PRAG1: variants seen among roughly 807,000 people sequenced by gnomAD.
PRAG1 encodes the protein inactive tyrosine-protein kinase PRAG1.
PRAG1 carries 110 observed loss-of-function variants against 95.6 expected under a neutral mutation model. That is an observed-to-expected ratio of 1.15 (90% confidence interval 0.99 to 1.35). The LOEUF is 1.35. PRAG1 is among the 40% of genes most tolerant of loss of function. PRAG1 has a pLI of 0.00. For synonymous variants in PRAG1, 1,052 were observed against 819.4 expected (o/e 1.28, Z -4.85); for missense variants, 2,554 against 1,864.7 (o/e 1.37, Z -6.81).
At chr8:8,372,216 G>C (rs112027307) in intron 3 of PRAG1, among the ~76,000 whole-genome samples, 5 of 152,120 alleles carry the variant, frequency 3.3e-5, no homozygotes, top group Non-Finnish European at 5.9e-5. Context: ...TGCTGTTCTC[G>C]TTAATGTTGG....
chr8:8,357,179 A>G (rs1799708750), intron 3 of PRAG1, among the ~76,000 whole-genome samples: 2 of 152,240 alleles, frequency 1.3e-5, no homozygotes, highest in African/African-American at 4.8e-5. Context: ...AAAAATAGAT[A>G]AACTGGACTA....
chr8:8,358,149 G>T (rs1298573198), intron 3 of PRAG1, among the ~76,000 whole-genome samples: 2 of 152,146 alleles, frequency 1.3e-5, no homozygotes, highest in South Asian at 4.1e-4. Flanking sequence ...CTCCTCCTTG[G>T]GTTCAATTAA....
intron 3 of PRAG1, among the ~76,000 whole-genome samples, chr8:8,373,370 A>G (rs1392924201): frequency 2.6e-5 from 4 of 152,130 alleles, no homozygotes; most frequent in Admixed American, 1.3e-4. Flanking sequence ...TGCTTCCCCA[A>G]ATGAAAATAT....
In PRAG1 at chr8:8,378,036, G is replaced by T. The variant is rs746412865; in HGVS notation, c.373C>A (p.Gln125Lys). The T allele has an allele frequency of 1.9e-6, 3 of 1,561,432 alleles. No homozygotes were observed. The highest frequency in any genetic ancestry group is 3.7e-5 in the Admixed American group (2 of 53,766). ...RAPGKLPLPK[Q>K]EDAPVVYLGS... ...AGGTAGACGACGGGGGCATCCTCCT[G>T]CTTCGGGAGGGGGAGCTTGCCAGGG... The change falls in exon 3 of 6, where the codon CAG becomes AAG. Residue 125 changes from glutamine (Q) to lysine (K), a missense_variant. Physicochemically the swap from Gln to Lys is moderately conservative, Grantham distance 53. Coordinates refer to ENST00000615670, the MANE Select transcript of PRAG1 (RefSeq NM_001080826.3).
chr8:8,345,046 G>GGT (rs57329300), intron 3 of PRAG1, among the ~76,000 whole-genome samples: 13,269 of 133,884 alleles, frequency 0.099, 513 homozygotes, highest in Non-Finnish European at 0.12. Flanking sequence ...TTATCCGCAG[G>GGT]GTGTGTGTGT....
intron 4 of PRAG1, among the ~76,000 whole-genome samples, chr8:8,330,241 C>G (rs192331003): frequency 5.3e-4 from 81 of 152,258 alleles, no homozygotes; most frequent in African/African-American, 1.9e-3. Flanking sequence ...TGGTGCATGC[C>G]TATAATCCCA....
chr8:8,335,530 T>C (rs1390160216), intron 4 of PRAG1, among the ~76,000 whole-genome samples: 1 of 151,482 alleles, frequency 6.6e-6, no homozygotes, highest in African/African-American at 2.4e-5. Context: ...TTCCTTTCTC[T>C]GTTGTTTGAA....
chr8:8,334,198 C>T (rs888242533), intron 4 of PRAG1, among the ~76,000 whole-genome samples: 3 of 152,188 alleles, frequency 2.0e-5, no homozygotes, highest in Non-Finnish European at 4.4e-5. Flanking sequence ...AATCCCAGTA[C>T]TTTGGTGAGC....
intron 3 of PRAG1, among the ~76,000 whole-genome samples, chr8:8,340,976 G>C (rs1448671389): frequency 6.6e-6 from 1 of 152,090 alleles, no homozygotes; most frequent in Non-Finnish European, 1.5e-5. Context: ...CTAATCTCCT[G>C]GCAAAATAAA....
At chr8:8,364,775 T>C (rs1160326670) in intron 3 of PRAG1, among the ~76,000 whole-genome samples, 1 of 152,026 alleles carries the variant, frequency 6.6e-6, no homozygotes, top group Non-Finnish European at 1.5e-5. Context: ...CTAAAAGAAG[T>C]CTTCAATATT....
chr8:8,368,032 G>T (rs899355426), intron 3 of PRAG1, among the ~76,000 whole-genome samples: 5 of 152,150 alleles, frequency 3.3e-5, no homozygotes, highest in Admixed American at 6.5e-5. Context: ...TACACCTCAG[G>T]AACATAAAGT....
chr8:8,339,170 TA>T (rs773178277), intron 4 of PRAG1, among the ~76,000 whole-genome samples: 4 of 151,862 alleles, frequency 2.6e-5, no homozygotes, highest in Non-Finnish European at 5.9e-5. Context: ...AGGACAGAAG[TA>T]AAAAGCAGGC....
intron 1 of PRAG1, among the ~76,000 whole-genome samples, chr8:8,384,004 C>A (rs1162716325): frequency 1.3e-5 from 2 of 152,196 alleles, no homozygotes; most frequent in Non-Finnish European, 2.9e-5. Flanking sequence ...ACTGTCCAGC[C>A]CACCTCCACT....
chr8:8,386,429 G>T lies in PRAG1; in HGVS notation c.-196C>A, dbSNP rs1261108707. 1.3e-5 allele frequency: 2 copies of T among 151,630 alleles called. No homozygotes were observed. Among genetic ancestry groups the T allele is most frequent in the South Asian group, 2.1e-4 (1 of 4,862 alleles). The allele number at this position is 151,630 out of a possible 1,614,324, so 9.4% of individuals were successfully genotyped here. ...GCGCGGTGCGTGCCCGGCCGCGGGC[G>T]GGTGGCTTCTGCCTGGGCCCGGCGG... On this transcript the variant is annotated 5_prime_UTR_variant, in exon 1 of 6. Transcript: ENST00000615670.
chr8:8,380,238 G>A (rs1020436196), intron 2 of PRAG1, among the ~76,000 whole-genome samples: 1 of 151,806 alleles, frequency 6.6e-6, no homozygotes, highest in Non-Finnish European at 1.5e-5. Flanking sequence ...TCGCAACACT[G>A]CACTCCAGCC....
rs1367391643 is a variant in PRAG1 at position 8,386,387 on chromosome 8, G to C, written c.-154C>G. 1 of 152,128 alleles carries C rather than the reference G, an allele frequency of 6.6e-6. No individual in the cohort carries two copies. Among genetic ancestry groups the C allele is most frequent in the African/African-American group, 2.4e-5 (1 of 41,412 alleles). The allele number at this position is 152,128 out of a possible 1,614,324, so 9.4% of individuals were successfully genotyped here. A position where few individuals can be genotyped will look rare whatever the true frequency, so the allele number is the denominator to read the frequency against. The stretch of plus-strand genomic sequence containing the variant: ...CCGCCAGCCGCCCGGCCGGAGCATT[G>C]TTCGCAGAAGGTCTGCGCGCGGTGC... On this transcript the variant is annotated 5_prime_UTR_variant, in exon 1 of 6. Transcript: ENST00000615670.
intron 4 of PRAG1, among the ~76,000 whole-genome samples, chr8:8,337,511 T>C (rs1198865883): frequency 6.6e-6 from 1 of 152,102 alleles, no homozygotes; most frequent in East Asian, 1.9e-4. Flanking sequence ...AGAAAGAATG[T>C]CATGCCTTTG....
In PRAG1 at chr8:8,319,376, G is replaced by C. The variant is rs1798402500; in HGVS notation, c.3073-74C>G. On this transcript the variant is annotated intron_variant, in intron 5 of 5. Coordinates refer to ENST00000615670, the MANE Select transcript of PRAG1 (RefSeq NM_001080826.3). ...CCCAGCAAAGAGTGTGGAAACATTT[G>C]AGTATCTACGTGCAATAAGCCTATC... The C allele has an allele frequency of 3.9e-6, 5 of 1,284,586 alleles. No individual in the cohort carries two copies. The African/African-American group carries it at 6.0e-5, about 15-fold the overall frequency. The allele number at this position is 1,284,586 out of a possible 1,614,324, so 79.6% of individuals were successfully genotyped here.
intron 3 of PRAG1, among the ~76,000 whole-genome samples, chr8:8,343,334 T>C (rs1468038457): frequency 6.6e-6 from 1 of 152,190 alleles, no homozygotes; most frequent in African/African-American, 2.4e-5. Flanking sequence ...CTTGTAAAGT[T>C]AAATACACAC....
Sources: allele counts gnomAD v4.1 joint callset (sites outside exome capture counted in the v4.1 genomes callset), GRCh38; gene constraint gnomAD v4.1.1; transcripts MANE v1.5; gene names NCBI Gene and HGNC (gene_info 2026-07-23, HGNC 2026-07-21).